The following AMBN variants were observed in gnomAD, a reference collection of about 807,000 sequenced individuals.
The protein encoded by AMBN is ameloblastin.
A neutral mutation model predicts 48.0 loss-of-function variants in AMBN; 54 were observed. The observed-to-expected ratio is 1.12, with a 90% CI of 0.90 to 1.41. The LOEUF is 1.41. AMBN is among the 40% of genes most tolerant of loss of function. The pLI, the probability that AMBN is intolerant of heterozygous loss-of-function variation, is 0.00. For synonymous variants in AMBN, 186 were observed against 190.0 expected (o/e 0.98, Z 0.17); for missense variants, 571 against 547.3 (o/e 1.04, Z -0.43).
In AMBN at chr4:70,593,363, C is replaced by T; in HGVS notation, c.52C>T (p.Leu18=). 6.2e-7 allele frequency: 1 copy of T among 1,612,502 alleles called. No homozygotes were observed. Among genetic ancestry groups the T allele is most frequent in the Non-Finnish European group, 8.5e-7 (1 of 1,178,900 alleles). ...CAAAATGAAGGACCTGATACTGATCCTATGCCTCCTGGAAATGAGTTTTGC... is the reference window on the plus strand; with the variant it reads ...CAAAATGAAGGACCTGATACTGATCTTATGCCTCCTGGAAATGAGTTTTGC... The part of the protein sequence containing the change: ...LFKMKDLILI[L]CLLEMSFAVP... The change falls in exon 2 of 13, where the codon CTA becomes TTA. Residue 18 remains leucine (L), a synonymous_variant. Coordinates refer to ENST00000322937, the MANE Select transcript of AMBN (RefSeq NM_016519.6).
chr4:70,603,983 T>C (rs1737585442), intron 12 of AMBN, 62 bp downstream of exon 12: 1 of 1,542,042 alleles, frequency 6.5e-7, no homozygotes, highest in Non-Finnish European at 9.0e-7. Context: ...CACTTATGAC[T>C]GGCTGCAAGA....
At chr4:70,600,629 G>C (rs924315002) in intron 5 of AMBN, among the ~76,000 whole-genome samples, 1 of 152,122 alleles carries the variant, frequency 6.6e-6, no homozygotes, top group African/African-American at 2.4e-5. Flanking sequence ...CTTCCTTGCT[G>C]GTCTGAGGAG....
intron 11 of AMBN, 52 bp from the exon 12 acceptor site, chr4:70,603,825 A>G: frequency 1.9e-6 from 3 of 1,588,970 alleles, no homozygotes; most frequent in Non-Finnish European, 2.6e-6. Context: ...TGTCTTGAGT[A>G]GATAAGAAGG....
At position 70,603,281 on chromosome 4, in the gene AMBN, A is replaced by G. The variant is rs1463293299; in HGVS notation, c.670A>G (p.Ile224Val). The G allele has an allele frequency of 1.9e-6, 3 of 1,613,628 alleles. No individual in the cohort carries two copies. In the South Asian group the frequency reaches 3.3e-5, roughly 18 times the overall value. Residue 224 changes from isoleucine to valine, a missense_variant, in exon 10 of 13, where the codon ATT becomes GTT. By Grantham distance (29) the Ile-to-Val change is conservative. Transcript: ENST00000322937. ...AAAGATTTTCCAAATAGCCCGTTTG[A>G]TTTCTCACGGACCAATGCCACAAAA... is the stretch of plus-strand genomic sequence containing the variant. ...GSTIFQIARL[I>V]SHGPMPQNKQ...
In AMBN at chr4:70,606,636, C is replaced by T. The variant is rs146171297; in HGVS notation, c.1250C>T (p.Thr417Met). Residue 417 changes from threonine to methionine, a missense_variant, in exon 13 of 13, where the codon ACG becomes ATG. Coordinates refer to ENST00000322937, the MANE Select transcript of AMBN (RefSeq NM_016519.6). ...CAGGAAGAAGCAACCATGGATACCA[C>T]GATGGCCCCAAACTCTCTGCAAACA... The part of the protein sequence containing the change: ...DFQEEATMDT[T>M]MAPNSLQTSM... 31 of 1,614,098 alleles carry T rather than the reference C, an allele frequency of 1.9e-5. No individual in the cohort carries two copies. In the Middle Eastern group the frequency reaches 6.6e-4, roughly 34 times the overall value.
chr4:70,593,289 T>G, intron 1 of AMBN, 38 bp from the exon 2 acceptor site: 1 of 1,520,874 alleles, frequency 6.6e-7, no homozygotes, highest in Non-Finnish European at 9.1e-7. Context: ...TGAATAAAAA[T>G]TCATCTGATT....
At position 70,606,291 on chromosome 4, in the gene AMBN, T is replaced by C; in HGVS notation, c.905T>C (p.Phe302Ser). 1 of 1,614,096 alleles carries C rather than the reference T, an allele frequency of 6.2e-7. No individual in the cohort carries two copies. The highest frequency in any genetic ancestry group is 8.5e-7 in the Non-Finnish European group (1 of 1,179,996). Reference protein sequence around the residue: ...MPHNPAMGGDFTLEFDSPVAA... With the variant: ...MPHNPAMGGDSTLEFDSPVAA... The stretch of plus-strand genomic sequence containing the variant: ...CACAACCCAGCTATGGGCGGTGACT[T>C]CACTCTGGAATTTGACTCCCCAGTG... The change falls in exon 13 of 13, where the codon TTC (phenylalanine) becomes TCC (serine). Residue 302 changes from phenylalanine (F) to serine (S), a missense_variant. Phe to Ser is a radical substitution (Grantham distance 155). Transcript: ENST00000322937.
Position 70,606,736 on chromosome 4 carries a change from C to G in AMBN, c.*6C>G, listed in dbSNP as rs751162767. 38 of 1,602,164 alleles carry G rather than the reference C, an allele frequency of 2.4e-5. No homozygotes were observed. In the Middle Eastern group the frequency reaches 6.7e-4, roughly 28 times the overall value. Reference sequence around the variant, plus strand: ...GGCATTTCCAAGAGCCCTGACAGCTCTAAGATATTAGCTACTTTCTGTATG... The same window carrying G: ...GGCATTTCCAAGAGCCCTGACAGCTGTAAGATATTAGCTACTTTCTGTATG... On this transcript the variant is annotated 3_prime_UTR_variant, in exon 13 of 13. Transcript: ENST00000322937.
rs114744918 is a variant in AMBN at position 70,606,115 on chromosome 4, C to A, written c.799-70C>A. The A allele has an allele frequency of 4.8e-3, 7,258 of 1,527,366 alleles. 285 individuals are homozygous for A. In the African/African-American group the frequency reaches 0.086, roughly 18 times the overall value. The allele number at this position is 1,527,366 out of a possible 1,614,324, so 94.6% of individuals were successfully genotyped here. ...TTTAGAGATCCTTGGTGAATGTGACCAGGTATAGCTGCATGGTATAGTTAA... is the reference window on the plus strand; with the variant it reads ...TTTAGAGATCCTTGGTGAATGTGACAAGGTATAGCTGCATGGTATAGTTAA... On this transcript the variant is annotated intron_variant, in intron 12 of 12. Coordinates refer to ENST00000322937, the MANE Select transcript of AMBN (RefSeq NM_016519.6).
At chr4:70,603,083 T>A (rs1381429351) in intron 9 of AMBN, 73 bp downstream of exon 9, 1 of 1,501,636 alleles carries the variant, frequency 6.7e-7, no homozygotes, top group African/African-American at 1.4e-5. Flanking sequence ...GAGTGAATTT[T>A]TTCATTGTCC....
chr4:70,599,439 C>CAAA, intron 4 of AMBN, 97 bp from the exon 5 acceptor site: 4 of 741,456 alleles, frequency 5.4e-6, no homozygotes, highest in Non-Finnish European at 7.7e-6. Context: ...GATTCCATCT[C>CAAA]AAAAAAAAAA....
At chr4:70,595,589 G>A (rs1737368847) in intron 2 of AMBN, among the ~76,000 whole-genome samples, 1 of 152,114 alleles carries the variant, frequency 6.6e-6, no homozygotes, top group South Asian at 2.1e-4. Flanking sequence ...GGAAAAAGTA[G>A]GGGGTGTAAT....
At chr4:70,597,959 G>GTTTC (rs1263703624) in intron 3 of AMBN, among the ~76,000 whole-genome samples, 1 of 151,822 alleles carries the variant, frequency 6.6e-6, no homozygotes, top group Non-Finnish European at 1.5e-5. Flanking sequence ...TGTTTGTCTT[G>GTTTC]TTTGTTTGTT....
intron 2 of AMBN, among the ~76,000 whole-genome samples, chr4:70,596,229 G>A (rs113107651): frequency 0.012 from 1,731 of 149,140 alleles, 15 homozygotes; most frequent in African/African-American, 0.019. Flanking sequence ...GCAGTGAGCC[G>A]AGATCACGGT....
intron 2 of AMBN, among the ~76,000 whole-genome samples, chr4:70,594,994 G>T (rs763850112): frequency 6.6e-5 from 10 of 152,040 alleles, no homozygotes; most frequent in Non-Finnish European, 1.2e-4. Context: ...TTGTTCTGTG[G>T]CTCAATCCAG....
chr4:70,600,944 T>C (rs1197336174), intron 5 of AMBN, among the ~76,000 whole-genome samples: 2 of 152,122 alleles, frequency 1.3e-5, no homozygotes, highest in African/African-American at 2.4e-5. Flanking sequence ...ATCCTTTCAT[T>C]AACTCGAAAA....
chr4:70,593,116 G>C (rs1270050328), intron 1 of AMBN, among the ~76,000 whole-genome samples: 1 of 152,062 alleles, frequency 6.6e-6, no homozygotes, highest in Non-Finnish European at 1.5e-5. Context: ...AACGTGCTTA[G>C]ATATTTTTTA....
intron 5 of AMBN, 119 bp from the exon 6 acceptor site, chr4:70,601,299 C>G (rs1343719455): frequency 7.9e-6 from 8 of 1,016,580 alleles, no homozygotes; most frequent in Non-Finnish European, 1.2e-5. Flanking sequence ...AACTTCAAGA[C>G]AAGTCTCCTA....
rs574192895 is a variant in AMBN, at chr4:70,602,518, A to G, written c.532-106A>G. On this transcript the variant is annotated intron_variant, in intron 6 of 12. Transcript: ENST00000322937. ...TTGTTTTATTGTAATTGTAAACAAGATAAGGATGTGATCAGTTCACTTTGT... is the reference window on the plus strand; with the variant it reads ...TTGTTTTATTGTAATTGTAAACAAGGTAAGGATGTGATCAGTTCACTTTGT... The G allele has an allele frequency of 1.6e-4, 117 of 735,904 alleles. No homozygotes were observed. The South Asian group carries it at 2.8e-3, about 17-fold the overall frequency. 45.6% of individuals were successfully genotyped at this position (735,904 alleles called of 1,614,324 possible).
Sources: gnomAD v4.1 joint callset for allele counts (sites outside exome capture counted in the v4.1 genomes callset) on GRCh38, gnomAD v4.1.1 for gene constraint, MANE v1.5 for transcripts, NCBI Gene and HGNC (gene_info 2026-07-23, HGNC 2026-07-21) for gene names.